Variants in COP1 observed in about 807,000 individuals in gnomAD.
COP1 encodes E3 ubiquitin-protein ligase COP1.
In COP1, 24 loss-of-function variants were observed where a neutral mutation model predicts 101.3. The observed-to-expected ratio is 0.24, with a 90% CI of 0.17 to 0.33. The LOEUF is 0.33. COP1 is among the 10% of genes least tolerant of loss of function. The probability of loss-of-function intolerance (pLI) is 1.00; values close to 1 mark genes in which losing one functional copy is unlikely to be tolerated. For missense variants in COP1, 663 were observed against 906.2 expected (o/e 0.73, Z 3.45); for synonymous variants, 347 against 341.9 (o/e 1.01, Z -0.17).
chr1:176,151,535 A>G (rs1692593294), intron 5 of COP1, among the ~76,000 whole-genome samples: 1 of 152,204 alleles, frequency 6.6e-6, no homozygotes, highest in Non-Finnish European at 1.5e-5. Context: ...CTGCTATGTG[A>G]CATGAAATAT....
chr1:176,045,084 T>G (rs943970392), intron 12 of COP1, among the ~76,000 whole-genome samples: 23 of 152,178 alleles, frequency 1.5e-4, no homozygotes, highest in African/African-American at 5.3e-4. Context: ...TCAGTCTGAA[T>G]CCTGGCTCCT....
At chr1:176,010,740 G>A (rs984804188) in intron 15 of COP1, among the ~76,000 whole-genome samples, 6 of 152,088 alleles carry the variant, frequency 3.9e-5, no homozygotes, top group African/African-American at 1.2e-4. Context: ...TATCTCCACA[G>A]CCATTAAGAA....
At chr1:176,097,867 TCA>T (rs756383490) in intron 9 of COP1, among the ~76,000 whole-genome samples, 1 of 44,048 alleles carries the variant, frequency 2.3e-5, no homozygotes, top group Non-Finnish European at 4.2e-5. Flanking sequence ...AAACTCCATC[TCA>T]AAAAAAAAAA....
Position 176,135,585 on chromosome 1 carries a change from T to C in COP1, c.892-499A>G, listed in dbSNP as rs775694865. ...TATATATTCTTCACAAATATTAAGATTGAAATATCAGCTTTGTTTAATAAT... is the reference window on the plus strand; with the variant it reads ...TATATATTCTTCACAAATATTAAGACTGAAATATCAGCTTTGTTTAATAAT... On this transcript the variant is annotated intron_variant, in intron 7 of 19. Transcript: ENST00000367669. Among the ~76,000 whole-genome samples, 4 of 152,028 alleles carry C rather than the reference T, an allele frequency of 2.6e-5. No homozygotes were observed. In the East Asian group the frequency reaches 5.8e-4, roughly 22 times the overall value.
chr1:176,140,213 T>C (rs1322444786), intron 6 of COP1, among the ~76,000 whole-genome samples: 7 of 152,202 alleles, frequency 4.6e-5, no homozygotes, highest in Admixed American at 3.9e-4. Context: ...TGAAGGCTTC[T>C]ATACATAAGG....
At chr1:176,206,447 A>C (rs1572852312) in intron 1 of COP1, 125 bp downstream of exon 1, 1 of 1,120,004 alleles carries the variant, frequency 8.9e-7, no homozygotes, top group Non-Finnish European at 1.3e-6. Flanking sequence ...CTCTGCAGAC[A>C]CCACCACAGC....
At position 176,148,999 on chromosome 1, in the gene COP1, A is replaced by AAT. The variant is rs1286219588; in HGVS notation, c.831+5_831+6dup. 2 of 1,539,938 alleles carry AAT rather than the reference A, an allele frequency of 1.3e-6. No homozygotes were observed. The highest frequency in any genetic ancestry group is 1.8e-6 in the Non-Finnish European group (2 of 1,124,590). On this transcript the variant is annotated splice_region_variant and intron_variant, in intron 6 of 19. Coordinates refer to ENST00000367669, the MANE Select transcript of COP1 (RefSeq NM_022457.7). ...AAACATTATGTAAAACACACAAAAT[A>AAT]ATATACCTCTCTCTTATTTCTTCTT...
At chr1:175,951,320 T>C (rs945751672) in intron 18 of COP1, among the ~76,000 whole-genome samples, 38 of 149,668 alleles carry the variant, frequency 2.5e-4, no homozygotes, top group African/African-American at 8.8e-4. Context: ...AAATGAACAG[T>C]TATTCACTCA....
intron 9 of COP1, among the ~76,000 whole-genome samples, chr1:176,100,612 T>C (rs1378796638): frequency 6.6e-6 from 1 of 152,160 alleles, no homozygotes; most frequent in East Asian, 1.9e-4. Flanking sequence ...ATTATAGTTC[T>C]GAGCAATTAT....
At chr1:176,133,611 T>C (rs529653329) in intron 8 of COP1, among the ~76,000 whole-genome samples, 17 of 152,016 alleles carry the variant, frequency 1.1e-4, no homozygotes, top group Admixed American at 5.9e-4. Flanking sequence ...ACACCTAGAA[T>C]AGTCCCTAGC....
intron 15 of COP1, among the ~76,000 whole-genome samples, chr1:176,013,856 G>T (rs763619401): frequency 6.6e-6 from 1 of 152,132 alleles, no homozygotes; most frequent in Non-Finnish European, 1.5e-5. Context: ...GGTTATTCTA[G>T]GAAAGTACCT....
intron 11 of COP1, among the ~76,000 whole-genome samples, chr1:176,066,671 G>C (rs528516676): frequency 5.3e-5 from 8 of 152,208 alleles, no homozygotes; most frequent in African/African-American, 1.7e-4. Flanking sequence ...CAGCTCTGCA[G>C]GTCAATCACC....
rs373899859 is a variant in COP1 at position 176,100,118 on chromosome 1, G to A, written c.1027-14228C>T. Reference sequence around the variant, plus strand: ...ACAAAAATAAGGACTGGCAGGGTGCGGTGGCTCACGCCTGTAATCCTAGCA... The same window carrying A: ...ACAAAAATAAGGACTGGCAGGGTGCAGTGGCTCACGCCTGTAATCCTAGCA... On this transcript the variant is annotated intron_variant, in intron 9 of 19. Coordinates refer to ENST00000367669, the MANE Select transcript of COP1 (RefSeq NM_022457.7). 9.6e-4 allele frequency: 146 copies of A among 152,854 alleles called. No individual in the cohort carries two copies. The Middle Eastern group carries it at 0.013, about 14-fold the overall frequency. 9.5% of individuals were successfully genotyped at this position (152,854 alleles called of 1,614,324 possible).
intron 3 of COP1, among the ~76,000 whole-genome samples, chr1:176,173,324 GAA>G (rs11396126): frequency 0.048 from 4,471 of 93,748 alleles, 121 homozygotes; most frequent in Non-Finnish European, 0.063. Context: ...AAAACAAAAT[GAA>G]AAAAAAAAAA....
At chr1:175,974,091 T>C (rs969634177) in intron 18 of COP1, among the ~76,000 whole-genome samples, 1 of 152,152 alleles carries the variant, frequency 6.6e-6, no homozygotes, top group African/African-American at 2.4e-5. Flanking sequence ...CACTAACAGA[T>C]TTTAAACAGT....
chr1:176,086,686 A>G (rs193282291), intron 9 of COP1, among the ~76,000 whole-genome samples: 7 of 152,348 alleles, frequency 4.6e-5, no homozygotes, highest in South Asian at 2.1e-4. Flanking sequence ...CATACTGCCC[A>G]AAGTAATTTA....
chr1:176,004,528 C>T (rs1417235312), intron 15 of COP1, among the ~76,000 whole-genome samples: 1 of 151,740 alleles, frequency 6.6e-6, no homozygotes, highest in Non-Finnish European at 1.5e-5. Context: ...TACGTCCCAT[C>T]AATACCTAAT....
intron 9 of COP1, among the ~76,000 whole-genome samples, chr1:176,095,527 A>C (rs962981023): frequency 1.3e-5 from 2 of 152,156 alleles, no homozygotes; most frequent in Non-Finnish European, 1.5e-5. Flanking sequence ...AAAACACAAA[A>C]AAAAATAAGC....
intron 11 of COP1, among the ~76,000 whole-genome samples, chr1:176,056,049 G>C (rs924411091): frequency 4.6e-5 from 7 of 152,022 alleles, no homozygotes; most frequent in African/African-American, 1.2e-4. Context: ...ATACTGGTTT[G>C]ATTTCCATTT....
Sources: allele counts gnomAD v4.1 joint callset (sites outside exome capture counted in the v4.1 genomes callset), GRCh38; gene constraint gnomAD v4.1.1; transcripts MANE v1.5; gene names NCBI Gene and HGNC (gene_info 2026-07-23, HGNC 2026-07-21).